The following PRKD1 variants were observed in gnomAD, a reference collection of about 807,000 sequenced individuals.
The protein encoded by PRKD1 is serine/threonine-protein kinase D1.
A neutral mutation model predicts 95.9 loss-of-function variants in PRKD1; 63 were observed. That is an observed-to-expected ratio of 0.66 (90% CI 0.54 to 0.81). The LOEUF (loss-of-function observed/expected upper bound fraction) is 0.81, where lower values mean the gene tolerates loss of function less well. Among genes scored for constraint, PRKD1 ranks in the 30% least tolerant of loss-of-function variants. PRKD1 has a pLI of 0.00. For synonymous variants in PRKD1, 425 were observed against 423.1 expected (o/e 1.00, Z -0.05); for missense variants, 1,048 against 1,165.3 (o/e 0.90, Z 1.47).
chr14:29,867,404 A>G (rs551250603), intron 1 of PRKD1, among the ~76,000 whole-genome samples: 20 of 152,316 alleles, frequency 1.3e-4, no homozygotes, highest in African/African-American at 4.8e-4. Context: ...TCCTAGCAAG[A>G]GGAACAGCAA....
At chr14:29,780,167 C>A (rs1016019109) in intron 1 of PRKD1, among the ~76,000 whole-genome samples, 125 of 152,230 alleles carry the variant, frequency 8.2e-4, no homozygotes, top group African/African-American at 2.8e-3. Context: ...AAATATTAGA[C>A]CTAAAACCAT....
At position 29,666,185 on chromosome 14, in the gene PRKD1, G is replaced by T; in HGVS notation, c.427C>A (p.Gln143Lys). ...ACAAAGAGAGCGTGGGGACGAATCT[G>T]AAAGTCTTCAAAGGTGGCGGAAGCT... Reference protein sequence around the residue: ...LSASATFEDFQIRPHALFVHS... With the variant: ...LSASATFEDFKIRPHALFVHS... The change falls in exon 3 of 18, where the codon CAG becomes AAG. Residue 143 changes from glutamine to lysine, a missense_variant. Around this residue, in one of 3 missense-constraint regions of PRKD1, gnomAD observed 275 missense variants for 248.6 expected, o/e 1.11. Transcript: ENST00000331968. 1 of 1,598,002 alleles carries T rather than the reference G, an allele frequency of 6.3e-7. No individual in the cohort carries two copies. The highest frequency in any genetic ancestry group is 8.6e-7 in the Non-Finnish European group (1 of 1,168,868).
intron 2 of PRKD1, among the ~76,000 whole-genome samples, chr14:29,675,868 C>T (rs1566531645): frequency 6.6e-6 from 1 of 151,526 alleles, no homozygotes; most frequent in Non-Finnish European, 1.5e-5. Context: ...TCTCAGCAAA[C>T]TATCGCAAGG....
chr14:29,675,543 A>G (rs1205734219), intron 2 of PRKD1, among the ~76,000 whole-genome samples: 1 of 152,202 alleles, frequency 6.6e-6, no homozygotes, highest in Non-Finnish European at 1.5e-5. Context: ...ACTGTAAACT[A>G]GTTCAACCAT....
chr14:29,635,209 A>C (rs1479873876), intron 7 of PRKD1, among the ~76,000 whole-genome samples: 1 of 152,176 alleles, frequency 6.6e-6, no homozygotes, highest in Non-Finnish European at 1.5e-5. Context: ...TTATAGGTAC[A>C]TTATCAATCA....
chr14:29,599,134 A>G lies in PRKD1; in HGVS notation c.2068-9T>C. On this transcript the variant is annotated splice_polypyrimidine_tract_variant and intron_variant, in intron 14 of 17. Coordinates refer to ENST00000331968, the MANE Select transcript of PRKD1 (RefSeq NM_002742.3). ...CGCAAAGCCACGAGTATCTGTAAAGAAGAATCACCAAAATTTCATTCCAGT... is the reference window on the plus strand; with the variant it reads ...CGCAAAGCCACGAGTATCTGTAAAGGAGAATCACCAAAATTTCATTCCAGT... The G allele has an allele frequency of 6.2e-7, 1 of 1,604,034 alleles. No homozygotes were observed. Among genetic ancestry groups the G allele is most frequent in the Non-Finnish European group, 8.5e-7 (1 of 1,171,308 alleles).
intron 1 of PRKD1, among the ~76,000 whole-genome samples, chr14:29,803,479 T>G (rs757196318): frequency 1.1e-4 from 17 of 152,212 alleles, no homozygotes; most frequent in Non-Finnish European, 7.3e-5. Context: ...ATACTCAACT[T>G]GTTAAAAACA....
At chr14:29,791,895 A>G (rs1402739566) in intron 1 of PRKD1, among the ~76,000 whole-genome samples, 1 of 152,118 alleles carries the variant, frequency 6.6e-6, no homozygotes, top group African/African-American at 2.4e-5. Context: ...TATTTGTTTA[A>G]TATTTCTTAA....
At chr14:29,841,985 C>T (rs775106657) in intron 1 of PRKD1, among the ~76,000 whole-genome samples, 2 of 151,982 alleles carry the variant, frequency 1.3e-5, no homozygotes, top group Non-Finnish European at 2.9e-5. Context: ...AACTAAGGCA[C>T]AAATGCACAT....
At chr14:29,759,287 G>T (rs1247371232) in intron 1 of PRKD1, among the ~76,000 whole-genome samples, 3 of 152,058 alleles carry the variant, frequency 2.0e-5, no homozygotes, top group Non-Finnish European at 4.4e-5. Context: ...AGAGTAATTG[G>T]GAATATTCCA....
At chr14:29,686,886 C>T (rs898814601) in intron 2 of PRKD1, among the ~76,000 whole-genome samples, 4 of 152,198 alleles carry the variant, frequency 2.6e-5, no homozygotes, top group African/African-American at 4.8e-5. Context: ...ATGCAGATCA[C>T]GGCACAGAAC....
At chr14:29,900,438 T>A (rs996587106) in intron 1 of PRKD1, among the ~76,000 whole-genome samples, 3 of 152,186 alleles carry the variant, frequency 2.0e-5, no homozygotes, top group South Asian at 2.1e-4. Flanking sequence ...GTAAAGCATA[T>A]CACTAAGTCC....
At chr14:29,672,878 CCTT>C (rs991075046) in intron 2 of PRKD1, among the ~76,000 whole-genome samples, 9 of 151,902 alleles carry the variant, frequency 5.9e-5, no homozygotes, top group African/African-American at 2.2e-4. Flanking sequence ...TGTATTTACT[CCTT>C]CTCAGAAAAA....
In PRKD1 at chr14:29,719,170, A is replaced by G. The variant is rs114126144; in HGVS notation, c.403+6366T>C. On this transcript the variant is annotated intron_variant, in intron 2 of 17. Coordinates refer to ENST00000331968, the MANE Select transcript of PRKD1 (RefSeq NM_002742.3). ...ACATGCTTATAAGGATTTCTTAAAT[A>G]TAGTGACCCTAAGACACTATTTCCA... 3.8e-3 allele frequency among the ~76,000 whole-genome samples: 573 copies of G among 152,300 alleles called. 1 individual carries two copies. The highest frequency in any genetic ancestry group is 0.014 in the African/African-American group (564 of 41,566).
At chr14:29,736,165 C>G (rs932254215) in intron 1 of PRKD1, among the ~76,000 whole-genome samples, 2 of 152,192 alleles carry the variant, frequency 1.3e-5, no homozygotes, top group African/African-American at 4.8e-5. Flanking sequence ...GACCTAGCCT[C>G]TTAGGACAGT....
intron 1 of PRKD1, among the ~76,000 whole-genome samples, chr14:29,796,351 CTT>C (rs1351674615): frequency 6.6e-6 from 1 of 152,068 alleles, no homozygotes; most frequent in Non-Finnish European, 1.5e-5. Context: ...AAAATTATCA[CTT>C]TATTGATTCT....
chr14:29,583,143 A>G (rs45607534), intron 16 of PRKD1, among the ~76,000 whole-genome samples: 81 of 152,272 alleles, frequency 5.3e-4, no homozygotes, highest in African/African-American at 1.9e-3. Context: ...TTCGGGAAGA[A>G]TGCCTCAGAC....
intron 1 of PRKD1, among the ~76,000 whole-genome samples, chr14:29,854,783 A>C (rs954954768): frequency 9.2e-5 from 14 of 152,152 alleles, no homozygotes; most frequent in Non-Finnish European, 1.6e-4. Flanking sequence ...GGCTGAGTCC[A>C]GGGTCTCCAT....
At position 29,826,744 on chromosome 14, in the gene PRKD1, CACAT is replaced by C. The variant is rs1305545798; in HGVS notation, c.264+100501_264+100504del. On this transcript the variant is annotated intron_variant, in intron 1 of 17. Coordinates refer to ENST00000331968, the MANE Select transcript of PRKD1 (RefSeq NM_002742.3). ...ATACATATATATACACATATATATA[CACAT>C]ATATATATACATATATATATACACA... 5.4e-3 allele frequency among the ~76,000 whole-genome samples: 196 copies of C among 36,262 alleles called. 38 individuals are homozygous for C. The highest frequency in any genetic ancestry group is 0.014 in the East Asian group (20 of 1,438). 23.8% of individuals were successfully genotyped at this position (36,262 alleles called of 152,430 possible).
Sources: allele counts gnomAD v4.1 joint callset (sites outside exome capture counted in the v4.1 genomes callset), GRCh38; gene constraint gnomAD v4.1.1; regional missense constraint gnomAD v4.1.1; transcripts MANE v1.5; gene names NCBI Gene and HGNC (gene_info 2026-07-23, HGNC 2026-07-21).